CPM: variants seen among roughly 807,000 people sequenced by gnomAD.
The protein encoded by CPM is renal carboxypeptidase.
Under a neutral mutation model 46.4 loss-of-function variants are expected in CPM, and 35 were observed. The observed-to-expected ratio is 0.75, with a 90% CI of 0.58 to 1.00. CPM has a LOEUF of 1.00. Ranked by LOEUF, CPM falls within the 50% of genes least tolerant of loss-of-function variation. The probability of loss-of-function intolerance (pLI) is 0.00; values close to 1 mark genes in which losing one functional copy is unlikely to be tolerated. For synonymous variants in CPM, 195 were observed against 195.3 expected, an observed-to-expected ratio of 1.00 and a Z score of 0.01; for missense variants, 422 against 530.4, an observed-to-expected ratio of 0.80 and a Z score of 2.01.
chr12:68,895,292 T>C (rs1277693068), intron 2 of CPM, among the ~76,000 whole-genome samples: 1 of 152,130 alleles, frequency 6.6e-6, no homozygotes, highest in African/African-American at 2.4e-5. Flanking sequence ...GTACCACTTC[T>C]GGGCAGAGCT....
At chr12:68,930,000 T>G (rs981492893) in intron 2 of CPM, among the ~76,000 whole-genome samples, 4 of 152,234 alleles carry the variant, frequency 2.6e-5, no homozygotes, top group Non-Finnish European at 5.9e-5. Flanking sequence ...GAATATTACT[T>G]TCCCTTCTGG....
At chr12:68,903,860 C>T (rs1887221710) in intron 2 of CPM, among the ~76,000 whole-genome samples, 2 of 146,784 alleles carry the variant, frequency 1.4e-5, no homozygotes, top group African/African-American at 5.0e-5. Flanking sequence ...CTCCCTTCTT[C>T]CCTCCCTCCC....
chr12:68,862,589 G>A (rs765985306), intron 7 of CPM, among the ~76,000 whole-genome samples: 6 of 139,472 alleles, frequency 4.3e-5, no homozygotes, highest in Non-Finnish European at 7.8e-5. Context: ...TGGGGTATGC[G>A]AATATCACTG....
chr12:68,899,973 T>C lies in CPM; in HGVS notation c.161-14084A>G, dbSNP rs572972709. On this transcript the variant is annotated intron_variant, in intron 2 of 8. Transcript: ENST00000551568. Reference sequence around the variant, plus strand: ...GCAAATGTGGCAAAATATTAACAACTGGTGGATGTATATGAATAATGTGTG... The same window carrying C: ...GCAAATGTGGCAAAATATTAACAACCGGTGGATGTATATGAATAATGTGTG... 6.6e-5 allele frequency among the ~76,000 whole-genome samples: 10 copies of C among 152,314 alleles called. No individual in the cohort carries two copies. The East Asian group carries it at 1.9e-3, about 29-fold the overall frequency.
At chr12:68,869,199 G>C (rs1472900800) in intron 6 of CPM, 126 bp downstream of exon 6, 1 of 726,560 alleles carries the variant, frequency 1.4e-6, no homozygotes. Flanking sequence ...GATATTAGCT[G>C]ATAAGGACAG....
chr12:68,892,046 C>T (rs1274685406), intron 2 of CPM, among the ~76,000 whole-genome samples: 3 of 152,088 alleles, frequency 2.0e-5, no homozygotes, highest in East Asian at 3.9e-4. Context: ...TGGAAATCTA[C>T]GTTTTAATAA....
chr12:68,939,356 A>G (rs1266392960), intron 1 of CPM, among the ~76,000 whole-genome samples: 1 of 148,220 alleles, frequency 6.7e-6, no homozygotes, highest in African/African-American at 2.5e-5. Context: ...TACATACTAT[A>G]TATAATATAC....
intron 2 of CPM, among the ~76,000 whole-genome samples, chr12:68,916,248 G>A (rs1342451257): frequency 1.3e-5 from 2 of 151,686 alleles, no homozygotes; most frequent in Non-Finnish European, 2.9e-5. Flanking sequence ...TTCTGTATAG[G>A]TTGGCATTCA....
rs751187379 is a variant in CPM, at chr12:68,870,281, C to A, written c.550G>T (p.Val184Phe). 4 of 1,614,222 alleles carry A rather than the reference C, an allele frequency of 2.5e-6. No homozygotes were observed. Among genetic ancestry groups the A allele is most frequent in the South Asian group, 1.1e-5 (1 of 91,084 alleles). ...VMKWLKTETFVLSANLHGGAL... is the reference protein window; with the variant it reads ...VMKWLKTETFFLSANLHGGAL... ...CCACCATGGAGGTTTGCAGAGAGGA[C>A]AAACGTCTCTGTTTTCAGCCACTTC... Residue 184 changes from valine (V) to phenylalanine (F), a missense_variant, in exon 5 of 9, where the codon GTC becomes TTC. Val to Phe is a conservative substitution (Grantham distance 50). Transcript: ENST00000551568.
At chr12:68,870,094 CT>C (rs1885624446) in intron 5 of CPM, 120 bp downstream of exon 5, 1 of 993,344 alleles carries the variant, frequency 1.0e-6, no homozygotes, top group Admixed American at 2.9e-5. Flanking sequence ...GAACATGAAG[CT>C]CTTTTCACCC....
intron 2 of CPM, among the ~76,000 whole-genome samples, chr12:68,898,871 T>C (rs368726399): frequency 7.9e-5 from 12 of 152,342 alleles, no homozygotes; most frequent in African/African-American, 2.9e-4. Flanking sequence ...GGGGTTGTTG[T>C]GCTATCTCAT....
At chr12:68,923,205 GTGTGTGTGTT>G (rs1242574049) in intron 2 of CPM, among the ~76,000 whole-genome samples, 11 of 142,734 alleles carry the variant, frequency 7.7e-5, no homozygotes, top group African/African-American at 2.7e-4. Flanking sequence ...GTGTGTGTGT[GTGTGTGTGTT>G]TTGAGTAATT....
intron 5 of CPM, 78 bp downstream of exon 5, chr12:68,870,137 T>C: frequency 7.1e-7 from 1 of 1,400,644 alleles, no homozygotes; most frequent in African/African-American, 1.4e-5. Context: ...AAGGGAGAGC[T>C]GATCCCCATC....
chr12:68,921,303 G>A (rs973097199), intron 2 of CPM, among the ~76,000 whole-genome samples: 2 of 151,474 alleles, frequency 1.3e-5, no homozygotes, highest in African/African-American at 4.9e-5. Context: ...CACCATGCCC[G>A]GCTAATTTTT....
chr12:68,847,947 T>C (rs1884446336), downstream of CPM: 1 of 152,356 alleles, frequency 6.6e-6, no homozygotes, highest in Non-Finnish European at 1.5e-5. Context: ...GGAGGATCAC[T>C]TGAGGCCAGG....
chr12:68,866,864 T>C, intron 7 of CPM, 32 bp downstream of exon 7: 4 of 1,583,794 alleles, frequency 2.5e-6, no homozygotes, highest in Non-Finnish European at 3.5e-6. Flanking sequence ...TATTTTGTAT[T>C]AATAGGGAAT....
intron 2 of CPM, among the ~76,000 whole-genome samples, chr12:68,925,365 C>T (rs939351299): frequency 2.0e-5 from 3 of 152,118 alleles, no homozygotes; most frequent in Middle Eastern, 3.2e-3. Context: ...CCCATGGTCA[C>T]GTAGCTACAA....
Position 68,851,942 on chromosome 12 carries a change from A to C in CPM, c.*4495T>G, listed in dbSNP as rs1220125090. 2 of 152,224 alleles carry C rather than the reference A, an allele frequency of 1.3e-5. No individual in the cohort carries two copies. Among genetic ancestry groups the C allele is most frequent in the African/African-American group, 4.8e-5 (2 of 41,462 alleles). The allele number at this position is 152,224 out of a possible 1,614,324, so 9.4% of individuals were successfully genotyped here. On this transcript the variant is annotated 3_prime_UTR_variant, in exon 9 of 9. Coordinates refer to ENST00000551568, the MANE Select transcript of CPM (RefSeq NM_198320.5). ...CTGTATTGTTACCATATAGAATAAC[A>C]ACCAGACTTCTCAATAAGCAACTTA...
chr12:68,942,522 T>G (rs1224038942), intron 1 of CPM, among the ~76,000 whole-genome samples: 3 of 152,268 alleles, frequency 2.0e-5, no homozygotes, highest in Non-Finnish European at 4.4e-5. Flanking sequence ...CTATTTCTGC[T>G]TTGCCCCACT....
Sources: allele counts gnomAD v4.1 joint callset (sites outside exome capture counted in the v4.1 genomes callset), GRCh38; gene constraint gnomAD v4.1.1; transcripts MANE v1.5; gene names NCBI Gene and HGNC (gene_info 2026-07-23, HGNC 2026-07-21).